The following RUNX1T1 variants were observed in gnomAD, a reference collection of about 807,000 sequenced individuals.
RUNX1T1 encodes the protein protein CBFA2T1.
Under a neutral mutation model 62.8 loss-of-function variants are expected in RUNX1T1, and 4 were observed. The observed-to-expected ratio is 0.06, with a 90% CI of 0.03 to 0.15. RUNX1T1 has a LOEUF of 0.15. Among genes scored for constraint, RUNX1T1 ranks in the 10% least tolerant of loss-of-function variants. The pLI, the probability that RUNX1T1 is intolerant of heterozygous loss-of-function variation, is 1.00. For missense variants in RUNX1T1, 508 were observed against 754.3 expected (o/e 0.67, Z 3.82); for synonymous variants, 291 against 286.0 (o/e 1.02, Z -0.18).
At chr8:92,027,115 CAAAAAAA>C (rs71563484) in intron 1 of RUNX1T1, among the ~76,000 whole-genome samples, 22 of 74,222 alleles carry the variant, frequency 3.0e-4, no homozygotes, top group African/African-American at 3.0e-4. Context: ...AACTCCGTCT[CAAAAAAA>C]AAAAAAAAAA....
intron 1 of RUNX1T1, among the ~76,000 whole-genome samples, chr8:92,060,573 GTGTGTGTGTGTGTA>G (rs1831854020): frequency 7.0e-6 from 1 of 142,342 alleles, no homozygotes; most frequent in Non-Finnish European, 1.5e-5. Context: ...GTGTGTGTGT[GTGTGTGTGTGTGTA>G]TGTTGATATA....
intron 1 of RUNX1T1, among the ~76,000 whole-genome samples, chr8:92,029,895 G>T (rs917021980): frequency 6.6e-6 from 1 of 152,144 alleles, no homozygotes; most frequent in Non-Finnish European, 1.5e-5. Flanking sequence ...GGACAGGTCA[G>T]TGAACAAAAA....
chr8:92,018,793 A>G lies in RUNX1T1; in HGVS notation c.8-1430T>C, dbSNP rs189040141. Among the ~76,000 whole-genome samples, 14 of 152,346 alleles carry G rather than the reference A, an allele frequency of 9.2e-5. No homozygotes were observed. The East Asian group carries it at 2.5e-3, about 27-fold the overall frequency. The stretch of plus-strand genomic sequence containing the variant: ...TTGATATCACTTTAGGGAAGATGCA[A>G]TAAGAGAATGAAAATAATCATCATT... On this transcript the variant is annotated intron_variant, in intron 1 of 10. Coordinates refer to ENST00000396218, the Ensembl canonical transcript of RUNX1T1.
intron 5 of RUNX1T1, among the ~76,000 whole-genome samples, 164 bp from the exon 7 acceptor site, chr8:91,992,053 T>A (rs1817783514): frequency 2.0e-5 from 3 of 152,208 alleles, no homozygotes; most frequent in African/African-American, 7.2e-5. Context: ...CTGAGACCTG[T>A]GTCGAGACCT....
chr8:92,094,991 A>C, intron 1 of RUNX1T1: 13 of 1,480,772 alleles, frequency 8.8e-6, no homozygotes, highest in East Asian at 2.5e-5. Flanking sequence ...TGGCAAAACT[A>C]AACCCAATTA....
chr8:91,957,026 C>T (rs1382047583), downstream of RUNX1T1: 1 of 216,462 alleles, frequency 4.6e-6, no homozygotes, highest in African/African-American at 2.3e-5. Context: ...CACACACAGT[C>T]TCATGACAGA....
intron 8 of RUNX1T1, among the ~76,000 whole-genome samples, chr8:91,984,793 C>T (rs911859388): frequency 5.3e-5 from 8 of 152,138 alleles, no homozygotes; most frequent in South Asian, 2.1e-4. Context: ...AGTTTGGCTT[C>T]GACCAATATT....
intron 1 of RUNX1T1, among the ~76,000 whole-genome samples, chr8:92,027,129 A>AG (rs1554626442): frequency 0.044 from 6,458 of 145,778 alleles, 449 homozygotes; most frequent in African/African-American, 0.15. Context: ...AAAAAAAAAA[A>AG]AAAAAGAAAA....
chr8:92,017,581 A>G (rs1823263617), intron 1 of RUNX1T1: 1 of 1,426,970 alleles, frequency 7.0e-7, no homozygotes. Flanking sequence ...TAACTAGGTT[A>G]TATTATATCC....
intron 1 of RUNX1T1, chr8:92,095,209 TCTC>T: frequency 6.5e-7 from 1 of 1,534,352 alleles, no homozygotes. Context: ...CATCTTCACT[TCTC>T]CTGGTCTTAT....
upstream of RUNX1T1, among the ~76,000 whole-genome samples, chr8:92,067,704 TTTAAG>T (rs1159533545): frequency 6.6e-6 from 1 of 152,212 alleles, no homozygotes; most frequent in African/African-American, 2.4e-5. Context: ...TATTAGTATA[TTTAAG>T]TTGTGTGTGC....
intron 1 of RUNX1T1, among the ~76,000 whole-genome samples, chr8:92,093,903 C>T (rs946124620): frequency 2.6e-5 from 4 of 152,272 alleles, no homozygotes; most frequent in Non-Finnish European, 4.4e-5. Context: ...ACATCCAATT[C>T]GGGGTAGAAT....
chr8:92,103,297 G>A (rs1338148798), upstream of RUNX1T1: 3 of 215,344 alleles, frequency 1.4e-5, no homozygotes, highest in East Asian at 7.1e-5. Context: ...GCTCACTCTC[G>A]AGGAAGGCGA....
At chr8:92,095,361 G>A (rs1251677530) in intron 1 of RUNX1T1, 4 of 1,535,128 alleles carry the variant, frequency 2.6e-6, no homozygotes, top group Non-Finnish European at 3.5e-6. Context: ...TGGCAAAGGA[G>A]CGCGGGAGAG....
At chr8:92,051,693 T>C (rs2130391085) in intron 1 of RUNX1T1, among the ~76,000 whole-genome samples, 1 of 152,056 alleles carries the variant, frequency 6.6e-6, no homozygotes, top group East Asian at 1.9e-4. Flanking sequence ...GCTTGGAAGA[T>C]ATAAACATCA....
intron 1 of RUNX1T1, among the ~76,000 whole-genome samples, chr8:92,085,435 C>T (rs540799991): frequency 5.3e-5 from 8 of 152,312 alleles, no homozygotes; most frequent in African/African-American, 1.7e-4. Context: ...ATTCTACAGA[C>T]ATTCTTCTGC....
rs576355581 is a variant in RUNX1T1, at chr8:91,963,065, T to C, written c.1459-2548A>G. 2.0e-5 allele frequency among the ~76,000 whole-genome samples: 3 copies of C among 152,304 alleles called. No homozygotes were observed. The South Asian group carries it at 6.2e-4, about 32-fold the overall frequency. On this transcript the variant is annotated intron_variant, in intron 10 of 10. Transcript: ENST00000396218. ...GACAGAATGGGGGCTTCTTTATTTT[T>C]TAAAGTGTTTTCAAAGATGGGAACA...
At chr8:92,013,255 C>T (rs1410624295) in intron 3 of RUNX1T1, among the ~76,000 whole-genome samples, 3 of 152,176 alleles carry the variant, frequency 2.0e-5, no homozygotes, top group African/African-American at 7.2e-5. Context: ...TGCCAACACA[C>T]CTTTTGTGAA....
At chr8:92,014,374 AG>A (rs1352627004) in intron 3 of RUNX1T1, among the ~76,000 whole-genome samples, 1 of 152,176 alleles carries the variant, frequency 6.6e-6, no homozygotes, top group Non-Finnish European at 1.5e-5. Flanking sequence ...TTAGTCAAAC[AG>A]TGAGAAAAAA....
Sources: gnomAD v4.1 joint callset for allele counts (sites outside exome capture counted in the v4.1 genomes callset) on GRCh38, gnomAD v4.1.1 for gene constraint, MANE v1.5 for transcripts, NCBI Gene and HGNC (gene_info 2026-07-23, HGNC 2026-07-21) for gene names.